CAPN7: variants seen among roughly 807,000 people sequenced by gnomAD.
CAPN7 encodes the protein calpain-7.
CAPN7 carries 72 observed loss-of-function variants against 115.2 expected under a neutral mutation model. The ratio of observed to expected loss-of-function variants is 0.63; its 90% confidence interval spans 0.52 to 0.76. CAPN7 has a LOEUF of 0.76. Among genes scored for constraint, CAPN7 ranks in the 30% least tolerant of loss-of-function variants. The pLI, the probability that CAPN7 is intolerant of heterozygous loss-of-function variation, is 0.00. For synonymous variants in CAPN7, 344 were observed against 322.3 expected (o/e 1.07, Z -0.72); for missense variants, 905 against 971.5 (o/e 0.93, Z 0.91).
At chr3:15,211,422 C>T (rs1013010641) in intron 1 of CAPN7, among the ~76,000 whole-genome samples, 78 of 152,024 alleles carry the variant, frequency 5.1e-4, no homozygotes, top group African/African-American at 1.7e-3. Flanking sequence ...GTTCCTTATG[C>T]GTGAATTCAT....
rs557068433 is a variant in CAPN7 at position 15,228,426 on chromosome 3, G to A, written c.852+461G>A. Among the ~76,000 whole-genome samples the A allele has an allele frequency of 3.9e-5, 6 of 152,262 alleles. No individual in the cohort carries two copies. In the South Asian group the frequency reaches 1.2e-3, roughly 32 times the overall value. On this transcript the variant is annotated intron_variant, in intron 7 of 20. Coordinates refer to ENST00000253693, the MANE Select transcript of CAPN7 (RefSeq NM_014296.3). ...ACCAGGAAAATATTTAGTATACATT[G>A]TAGCACTATTCAAAATAACAAAGAC... is the stretch of plus-strand genomic sequence containing the variant.
chr3:15,226,209 G>A (rs929361012), intron 6 of CAPN7, among the ~76,000 whole-genome samples: 1 of 151,956 alleles, frequency 6.6e-6, no homozygotes, highest in African/African-American at 2.4e-5. Flanking sequence ...CCAAGGAACT[G>A]GGATTACAGG....
Position 15,247,358 on chromosome 3 carries a change from G to A in CAPN7, c.2105G>A (p.Gly702Glu). 1 of 1,608,812 alleles carries A rather than the reference G, an allele frequency of 6.2e-7. No individual in the cohort carries two copies. The highest frequency in any genetic ancestry group is 8.5e-7 in the Non-Finnish European group (1 of 1,177,486). Residue 702 changes from glycine to glutamate, a missense_variant, in exon 19 of 21, where the codon GGA (glycine) becomes GAA (glutamate). By Grantham distance (98) the Gly-to-Glu change is moderately conservative. Coordinates refer to ENST00000253693, the MANE Select transcript of CAPN7 (RefSeq NM_014296.3). Reference sequence around the variant, plus strand: ...GGAAAGTGGAGTGGTCAGAGTGCTGGAGGATGTGGAAATTTCCAAGAGACT... The same window carrying A: ...GGAAAGTGGAGTGGTCAGAGTGCTGAAGGATGTGGAAATTTCCAAGAGACT... Reference protein sequence around the residue: ...INGKWSGQSAGGCGNFQETHK... With the variant: ...INGKWSGQSAEGCGNFQETHK...
At chr3:15,221,030 T>A in intron 5 of CAPN7, 49 bp downstream of exon 5, 1 of 1,440,522 alleles carries the variant, frequency 6.9e-7, no homozygotes, top group Non-Finnish European at 9.7e-7. Flanking sequence ...TTAACATGAA[T>A]GCAGAATTTT....
chr3:15,238,585 A>T (rs537907039), intron 12 of CAPN7, among the ~76,000 whole-genome samples: 3 of 152,260 alleles, frequency 2.0e-5, no homozygotes, highest in African/African-American at 7.2e-5. Flanking sequence ...TATTTGCATA[A>T]AAGTGCTATC....
chr3:15,223,541 T>G lies in CAPN7; in HGVS notation c.705T>G (p.Phe235Leu), dbSNP rs1338007542. 2.5e-6 allele frequency: 4 copies of G among 1,604,188 alleles called. No homozygotes were observed. Among genetic ancestry groups the G allele is most frequent in the Non-Finnish European group, 3.4e-6 (4 of 1,174,966 alleles). ...TGAATGTTGACCTGAGAGAACGTTT[T>G]GCCTATCCAATGCCTTTCTGGTAAG... ...PFMNVDLRER[F>L]AYPMPFCDRW... The change falls in exon 6 of 21, where the codon TTT (phenylalanine) becomes TTG (leucine). Residue 235 changes from phenylalanine to leucine, a missense_variant. This residue lies in a region of CAPN7 where 620 missense variants were observed against 703.4 expected (regional missense o/e 0.88). Transcript: ENST00000253693.
rs1695672456 is a variant in CAPN7, at chr3:15,246,590, C to T, written c.2011-142C>T. On this transcript the variant is annotated intron_variant, in intron 17 of 20. Coordinates refer to ENST00000253693, the MANE Select transcript of CAPN7 (RefSeq NM_014296.3). Reference sequence around the variant, plus strand: ...ACCCCTAGCTTCTCAGTTCCCAGCTCATTAAACCTGACCTGATACTAGGCT... The same window carrying T: ...ACCCCTAGCTTCTCAGTTCCCAGCTTATTAAACCTGACCTGATACTAGGCT... 6.3e-6 allele frequency: 4 copies of T among 638,432 alleles called. No homozygotes were observed. In the Admixed American group the frequency reaches 8.7e-5, roughly 14 times the overall value. The allele number at this position is 638,432 out of a possible 1,614,324, so 39.5% of individuals were successfully genotyped here.
chr3:15,246,329 G>GA (rs1267695394), intron 17 of CAPN7: 3 of 164,038 alleles, frequency 1.8e-5, no homozygotes, highest in Non-Finnish European at 2.6e-5. Flanking sequence ...TAGTGAAAGA[G>GA]AATCAGTCAC....
At chr3:15,209,933 T>C (rs2044839152) in intron 1 of CAPN7, among the ~76,000 whole-genome samples, 1 of 152,236 alleles carries the variant, frequency 6.6e-6, no homozygotes, top group East Asian at 1.9e-4. Flanking sequence ...AAGCTATTTA[T>C]TTCTTGTCAG....
intron 12 of CAPN7, among the ~76,000 whole-genome samples, chr3:15,237,176 C>G (rs1426668600): frequency 6.6e-6 from 1 of 152,110 alleles, no homozygotes; most frequent in African/African-American, 2.4e-5. Flanking sequence ...TCTGTAATAA[C>G]AACTAGCTGA....
intron 3 of CAPN7, 71 bp downstream of exon 3, chr3:15,217,653 A>G (rs1693716217): frequency 6.3e-6 from 8 of 1,263,694 alleles, no homozygotes; most frequent in Admixed American, 2.5e-5. Context: ...TGAATTTTAC[A>G]TAACACCTTG....
At chr3:15,228,573 G>A (rs1694471762) in intron 7 of CAPN7, among the ~76,000 whole-genome samples, 1 of 152,198 alleles carries the variant, frequency 6.6e-6, no homozygotes, top group African/African-American at 2.4e-5. Flanking sequence ...CATGGATGGA[G>A]CTGGAGGCCA....
chr3:15,250,261 C>T (rs984737659), intron 19 of CAPN7, among the ~76,000 whole-genome samples: 2 of 151,688 alleles, frequency 1.3e-5, no homozygotes, highest in African/African-American at 2.4e-5. Flanking sequence ...CCCATAGTCC[C>T]AGGTCCTGAG....
chr3:15,233,474 T>C (rs1187192168), intron 10 of CAPN7, among the ~76,000 whole-genome samples: 3 of 152,218 alleles, frequency 2.0e-5, no homozygotes, highest in Non-Finnish European at 4.4e-5. Flanking sequence ...GCTTTCTAAT[T>C]GTTGCTTGTT....
chr3:15,232,766 G>T, intron 10 of CAPN7, 101 bp downstream of exon 10: 1 of 999,546 alleles, frequency 1.0e-6, no homozygotes, highest in East Asian at 2.7e-5. Context: ...TATAGGGAAA[G>T]AGAGCAGATT....
intron 9 of CAPN7, among the ~76,000 whole-genome samples, chr3:15,231,764 A>G (rs1694703161): frequency 6.6e-6 from 1 of 151,966 alleles, no homozygotes; most frequent in South Asian, 2.1e-4. Flanking sequence ...TCCTGACCTC[A>G]TGATCCTCCC....
At position 15,220,856 on chromosome 3, in the gene CAPN7, T is replaced by G. The variant is rs776495413; in HGVS notation, c.513T>G (p.Pro171=). The change falls in exon 5 of 21, where the codon CCT becomes CCG. Residue 171 remains proline, a synonymous_variant. Transcript: ENST00000253693. ...CAACAAGTGTTAAGCCAAAGCCACCTCCAGTGAGAGCACATTTTCCACTGG... is the reference window on the plus strand; with the variant it reads ...CAACAAGTGTTAAGCCAAAGCCACCGCCAGTGAGAGCACATTTTCCACTGG... The part of the protein sequence containing the change: ...ISSTSVKPKP[P]PVRAHFPLGA... 1.2e-6 allele frequency: 2 copies of G among 1,614,160 alleles called. No individual in the cohort carries two copies. Among genetic ancestry groups the G allele is most frequent in the East Asian group, 4.5e-5 (2 of 44,880 alleles).
chr3:15,216,402 T>C (rs1693596562), intron 2 of CAPN7, among the ~76,000 whole-genome samples: 2 of 152,248 alleles, frequency 1.3e-5, no homozygotes, highest in South Asian at 2.1e-4. Flanking sequence ...CAATTTCTTA[T>C]GTGCCATTTG....
intron 5 of CAPN7, among the ~76,000 whole-genome samples, chr3:15,222,930 C>G (rs562160237): frequency 6.6e-6 from 1 of 152,038 alleles, no homozygotes; most frequent in Non-Finnish European, 1.5e-5. Context: ...GAAACAGATA[C>G]AAGAAGGAAA....
Sources: gnomAD v4.1 joint callset for allele counts (sites outside exome capture counted in the v4.1 genomes callset) on GRCh38, gnomAD v4.1.1 for gene constraint, gnomAD v4.1.1 regional missense constraint, MANE v1.5 for transcripts, NCBI Gene and HGNC (gene_info 2026-07-23, HGNC 2026-07-21) for gene names.